The following TXNL1 variants were observed in gnomAD, a reference collection of about 807,000 sequenced individuals.
TXNL1 encodes thioredoxin like 1, also known as thioredoxin-like protein 1.
In TXNL1, 14 loss-of-function variants were observed where a neutral mutation model predicts 35.5. The observed-to-expected ratio is 0.39, with a 90% CI of 0.26 to 0.62. TXNL1 has a LOEUF of 0.62. Ranked by LOEUF, TXNL1 falls within the 20% of genes least tolerant of loss-of-function variation. TXNL1 has a pLI of 0.47. For missense variants in TXNL1, 263 were observed against 349.7 expected (o/e 0.75, Z 1.98); for synonymous variants, 110 against 115.5 (o/e 0.95, Z 0.31).
chr18:56,623,842 C>T (rs1466627706), intron 3 of TXNL1, among the ~76,000 whole-genome samples: 6 of 148,530 alleles, frequency 4.0e-5, no homozygotes, highest in East Asian at 2.0e-4. Flanking sequence ...AGAGGGCATA[C>T]ATTTAAAAAG....
rs2024496324 is a variant in TXNL1 at position 56,638,536 on chromosome 18, G to A, written c.-96C>T. ...AGAGGAAGGAGAGATGCTCAGGAAGGCCGAGGCCTGGACAGAAGAGGTGGC... is the reference window on the plus strand; with the variant it reads ...AGAGGAAGGAGAGATGCTCAGGAAGACCGAGGCCTGGACAGAAGAGGTGGC... On this transcript the variant is annotated 5_prime_UTR_variant, in exon 1 of 8. Coordinates refer to ENST00000217515, the MANE Select transcript of TXNL1 (RefSeq NM_004786.3). 2 of 1,301,916 alleles carry A rather than the reference G, an allele frequency of 1.5e-6. No individual in the cohort carries two copies. Among genetic ancestry groups the A allele is most frequent in the Non-Finnish European group, 2.1e-6 (2 of 948,196 alleles). The allele number at this position is 1,301,916 out of a possible 1,614,324, so 80.6% of individuals were successfully genotyped here.
chr18:56,616,439 A>C, intron 4 of TXNL1, 125 bp from the exon 5 acceptor site: 2 of 758,414 alleles, frequency 2.6e-6, no homozygotes, highest in Non-Finnish European at 4.2e-6. Context: ...AACAAAACCA[A>C]CGTAATATGA....
At chr18:56,633,862 T>C (rs1568110516) in intron 1 of TXNL1, among the ~76,000 whole-genome samples, 1 of 151,106 alleles carries the variant, frequency 6.6e-6, no homozygotes, top group Non-Finnish European at 1.5e-5. Context: ...CGCATACCTG[T>C]AATCCCAGCT....
rs1323974995 is a variant in TXNL1, at chr18:56,598,656, TAGG to T, written c.*4368_*4370del. 2.0e-5 allele frequency: 3 copies of T among 151,902 alleles called. No individual in the cohort carries two copies. The highest frequency in any genetic ancestry group is 4.4e-5 in the Non-Finnish European group (3 of 67,998). The allele number at this position is 151,902 out of a possible 1,614,324, so 9.4% of individuals were successfully genotyped here. ...GCCAGAGCAGAAACAAAGAGACAAT[TAGG>T]AGGCACTGCAGTATGCCAAGCAAGT... On this transcript the variant is annotated 3_prime_UTR_variant, in exon 8 of 8. Transcript: ENST00000217515.
At chr18:56,635,356 A>G (rs963478661) in intron 1 of TXNL1, among the ~76,000 whole-genome samples, 1 of 152,218 alleles carries the variant, frequency 6.6e-6, no homozygotes, top group African/African-American at 2.4e-5. Flanking sequence ...GGAAGACACA[A>G]CTGGAATGTC....
chr18:56,626,172 T>A, intron 2 of TXNL1, 189 bp downstream of exon 2: 4 of 1,311,112 alleles, frequency 3.1e-6, no homozygotes, highest in Non-Finnish European at 3.9e-6. Context: ...CTGAAGCAAT[T>A]AATAATGTGC....
intron 6 of TXNL1, 97 bp from the exon 7 acceptor site, chr18:56,611,194 C>T: frequency 3.6e-6 from 3 of 841,056 alleles, no homozygotes; most frequent in Non-Finnish European, 5.5e-6. Context: ...TAAATATTCT[C>T]CATTCTTTGT....
chr18:56,633,160 A>C (rs1464677706), intron 1 of TXNL1, among the ~76,000 whole-genome samples: 1 of 150,236 alleles, frequency 6.7e-6, no homozygotes, highest in Non-Finnish European at 1.5e-5. Context: ...AAAATTTTAA[A>C]ACTTAGGCAG....
rs563436068 is a variant in TXNL1, at chr18:56,603,140, C to A, written c.841-84G>T. 44 of 1,256,650 alleles carry A rather than the reference C, an allele frequency of 3.5e-5. No individual in the cohort carries two copies. The South Asian group carries it at 4.9e-4, about 14-fold the overall frequency. The allele number at this position is 1,256,650 out of a possible 1,614,324, so 77.8% of individuals were successfully genotyped here. On this transcript the variant is annotated intron_variant, in intron 7 of 7. Coordinates refer to ENST00000217515, the MANE Select transcript of TXNL1 (RefSeq NM_004786.3). ...AAAAATACTAATAATCAGTTTAAAA[C>A]CTTGGTATTAATTTTTATCCTTGGA...
In TXNL1 at chr18:56,626,344, AG is replaced by A. The variant is rs2024277910; in HGVS notation, c.195+16del. ...TTCAAAAGTAAATTAAAAAGAAAAA[AG>A]ATTCCTTTCCCTTACCTGACACTGA... is the stretch of plus-strand genomic sequence containing the variant. On this transcript the variant is annotated intron_variant, in intron 2 of 7. Transcript: ENST00000217515. 4 of 1,579,416 alleles carry A rather than the reference AG, an allele frequency of 2.5e-6. No individual in the cohort carries two copies. Among genetic ancestry groups the A allele is most frequent in the Non-Finnish European group, 3.4e-6 (4 of 1,170,498 alleles).
At position 56,599,293 on chromosome 18, in the gene TXNL1, A is replaced by C. The variant is rs1429061604; in HGVS notation, c.*3734T>G. 2 of 151,994 alleles carry C rather than the reference A, an allele frequency of 1.3e-5. No individual in the cohort carries two copies. The highest frequency in any genetic ancestry group is 1.3e-4 in the Admixed American group (2 of 15,246). The allele number at this position is 151,994 out of a possible 1,614,324, so 9.4% of individuals were successfully genotyped here. A position where few individuals can be genotyped will look rare whatever the true frequency, so the allele number is the denominator to read the frequency against. The stretch of plus-strand genomic sequence containing the variant: ...GCTGAGCATGTTAAAAAAAAAAAAA[A>C]ACCTTATTGATCAAAAATAAAACTT... On this transcript the variant is annotated 3_prime_UTR_variant, in exon 8 of 8. Transcript: ENST00000217515.
intron 1 of TXNL1, among the ~76,000 whole-genome samples, chr18:56,632,870 T>G (rs2024396693): frequency 6.6e-6 from 1 of 152,238 alleles, no homozygotes; most frequent in Non-Finnish European, 1.5e-5. Flanking sequence ...AGCTACTTGC[T>G]AACGTTTTCT....
chr18:56,634,921 A>G (rs1381189219), intron 1 of TXNL1, among the ~76,000 whole-genome samples: 4 of 152,216 alleles, frequency 2.6e-5, no homozygotes, highest in Non-Finnish European at 5.9e-5. Flanking sequence ...CGGCATATAT[A>G]AAGAACTCCT....
chr18:56,633,121 A>C (rs778156493), intron 1 of TXNL1, among the ~76,000 whole-genome samples: 2 of 152,124 alleles, frequency 1.3e-5, no homozygotes, highest in African/African-American at 2.4e-5. Context: ...TCTCCAGCCT[A>C]AGCAACACGA....
chr18:56,615,627 T>C lies in TXNL1; in HGVS notation c.562+618A>G, dbSNP rs891118028. Among the ~76,000 whole-genome samples, 14 of 152,256 alleles carry C rather than the reference T, an allele frequency of 9.2e-5. No individual in the cohort carries two copies. The East Asian group carries it at 2.7e-3, about 29-fold the overall frequency. ...TCAGTTTCCTCAAAATAAAAGGAAT[T>C]TGAAATAAATCTTTCAGTTTTGATT... On this transcript the variant is annotated intron_variant, in intron 5 of 7. Transcript: ENST00000217515.
chr18:56,626,345 G>T lies in TXNL1; in HGVS notation c.195+16C>A. ...TCAAAAGTAAATTAAAAAGAAAAAAGATTCCTTTCCCTTACCTGACACTGA... is the reference window on the plus strand; with the variant it reads ...TCAAAAGTAAATTAAAAAGAAAAAATATTCCTTTCCCTTACCTGACACTGA... On this transcript the variant is annotated intron_variant, in intron 2 of 7. Coordinates refer to ENST00000217515, the MANE Select transcript of TXNL1 (RefSeq NM_004786.3). 1.9e-6 allele frequency: 3 copies of T among 1,579,218 alleles called. No homozygotes were observed. Among genetic ancestry groups the T allele is most frequent in the Non-Finnish European group, 2.6e-6 (3 of 1,170,224 alleles).
At chr18:56,632,088 T>C (rs758027052) in intron 1 of TXNL1, among the ~76,000 whole-genome samples, 1 of 152,156 alleles carries the variant, frequency 6.6e-6, no homozygotes, top group Admixed American at 6.5e-5. Flanking sequence ...ATAAATATAA[T>C]CCAAGATCAG....
At chr18:56,606,794 C>T (rs1447301714) in intron 7 of TXNL1, among the ~76,000 whole-genome samples, 2 of 152,202 alleles carry the variant, frequency 1.3e-5, no homozygotes, top group African/African-American at 4.8e-5. Context: ...AGACAGAGAT[C>T]ATGACTGAAG....
chr18:56,624,965 A>G (rs2024252134), intron 2 of TXNL1, among the ~76,000 whole-genome samples: 1 of 152,204 alleles, frequency 6.6e-6, no homozygotes. Context: ...TTGGTCACCC[A>G]TCAAAACACA....
Sources: allele counts gnomAD v4.1 joint callset (sites outside exome capture counted in the v4.1 genomes callset), GRCh38; gene constraint gnomAD v4.1.1; transcripts MANE v1.5; gene names NCBI Gene and HGNC (gene_info 2026-07-23, HGNC 2026-07-21).